Variants in UGT2B28 observed in about 807,000 individuals in gnomAD.
The protein encoded by UGT2B28 is UDP glucuronosyltransferase family 2 member B28, also known as UDP-glucuronosyltransferase 2B28.
UGT2B28 carries 45 observed loss-of-function variants against 43.6 expected under a neutral mutation model. That is an observed-to-expected ratio of 1.03 (90% CI 0.81 to 1.32). UGT2B28 has a LOEUF of 1.32. Among genes scored for constraint, UGT2B28 ranks in the 40% most tolerant of loss-of-function variants. The pLI is 0.00. For missense variants in UGT2B28, 649 were observed against 625.5 expected (o/e 1.04, Z -0.40); for synonymous variants, 204 against 208.1 (o/e 0.98, Z 0.17).
chr4:69,281,121 C>G lies in UGT2B28; in HGVS notation c.621C>G (p.Phe207Leu). 2 of 1,558,696 alleles carry G rather than the reference C, an allele frequency of 1.3e-6. No homozygotes were observed. Among genetic ancestry groups the G allele is most frequent in the South Asian group, 2.4e-5 (2 of 84,088 alleles). ...VMSKLSDQMT[F>L]MERVKNMIYV... is the part of the protein sequence containing the mutation. ...CAAAATTAAGTGATCAAATGACTTTCATGGAGAGGGTAAAAAACATGATCT... is the reference window on the plus strand; with the variant it reads ...CAAAATTAAGTGATCAAATGACTTTGATGGAGAGGGTAAAAAACATGATCT... The change falls in exon 1 of 6, where the codon TTC becomes TTG. Residue 207 changes from phenylalanine (F) to leucine (L), a missense_variant. By Grantham distance (22) the Phe-to-Leu change is conservative. Coordinates refer to ENST00000335568, the MANE Select transcript of UGT2B28 (RefSeq NM_053039.2).
chr4:69,289,575 T>G, intron 3 of UGT2B28, 90 bp from the exon 4 acceptor site: 1 of 1,191,358 alleles, frequency 8.4e-7, no homozygotes, highest in Non-Finnish European at 1.1e-6. Flanking sequence ...CTAACATCCC[T>G]TGATCTCATT....
Position 69,294,448 on chromosome 4 carries a change from C to T in UGT2B28, c.1311-82C>T, listed in dbSNP as rs1373806979. 11 of 1,288,554 alleles carry T rather than the reference C, an allele frequency of 8.5e-6. 1 individual carries two copies. Among genetic ancestry groups the T allele is most frequent in the East Asian group, 5.1e-5 (2 of 38,892 alleles). 79.8% of individuals were successfully genotyped at this position (1,288,554 alleles called of 1,614,324 possible). On this transcript the variant is annotated intron_variant, in intron 5 of 5. Transcript: ENST00000335568. ...CAAATTTACTTTGAATTATTTGACA[C>T]TTTAAAAGCCTTTCATAGACTTGAT...
At chr4:69,289,816 A>G in intron 4 of UGT2B28, 64 bp downstream of exon 4, 2 of 1,376,894 alleles carry the variant, frequency 1.5e-6, no homozygotes, top group Non-Finnish European at 2.0e-6. Flanking sequence ...TTAATAGTTT[A>G]TCTTGAAACA....
In UGT2B28 at chr4:69,294,703, G is replaced by T. The variant is rs763922496; in HGVS notation, c.1484G>T (p.Gly495Val). 7 of 1,559,692 alleles carry T rather than the reference G, an allele frequency of 4.5e-6. 2 individuals carry two copies. Among genetic ancestry groups the T allele is most frequent in the South Asian group, 2.4e-5 (2 of 84,344 alleles). ...CAGTACCACTCTTTGGATGTGATTGGGTTTCTGCTGGCCTGTGTGGCAACT... is the reference window on the plus strand; with the variant it reads ...CAGTACCACTCTTTGGATGTGATTGTGTTTCTGCTGGCCTGTGTGGCAACT... ...WFQYHSLDVI[G>V]FLLACVATVI... is the part of the protein sequence containing the mutation. The change falls in exon 6 of 6, where the codon GGG becomes GTG. Residue 495 changes from glycine (G) to valine (V), a missense_variant. By Grantham distance (109) the Gly-to-Val change is moderately radical. Transcript: ENST00000335568.
In UGT2B28 at chr4:69,280,802, A is replaced by G. The variant is rs542343874; in HGVS notation, c.302A>G (p.Gln101Arg). The G allele has an allele frequency of 1.3e-4, 208 of 1,568,692 alleles. 22 individuals carry two copies. The Middle Eastern group carries it at 1.5e-3, about 12-fold the overall frequency. The change falls in exon 1 of 6, where the codon CAA becomes CGA. Residue 101 changes from glutamine (Q) to arginine (R), a missense_variant. By Grantham distance (43) the Gln-to-Arg change is conservative. Coordinates refer to ENST00000335568, the MANE Select transcript of UGT2B28 (RefSeq NM_053039.2). ...CAGGTTAAGAGATGGTCAGACATTCAAAAAGATAGCTTTTGGTTATATTTT... is the reference window on the plus strand; with the variant it reads ...CAGGTTAAGAGATGGTCAGACATTCGAAAAGATAGCTTTTGGTTATATTTT... ...MQQVKRWSDI[Q>R]KDSFWLYFSQ...
chr4:69,294,866 C>T lies in UGT2B28; in HGVS notation c.*57C>T. On this transcript the variant is annotated 3_prime_UTR_variant, in exon 6 of 6. Coordinates refer to ENST00000335568, the MANE Select transcript of UGT2B28 (RefSeq NM_053039.2). Reference sequence around the variant, plus strand: ...ATAGATGGGTTGACATCAGTTTATTCCAGCAAGAAAGAAAAGATTGTTATG... The same window carrying T: ...ATAGATGGGTTGACATCAGTTTATTTCAGCAAGAAAGAAAAGATTGTTATG... 1 of 1,432,798 alleles carries T rather than the reference C, an allele frequency of 7.0e-7. No homozygotes were observed. Among genetic ancestry groups the T allele is most frequent in the Admixed American group, 2.5e-5 (1 of 40,194 alleles). The allele number at this position is 1,432,798 out of a possible 1,614,324, so 88.8% of individuals were successfully genotyped here. A position where few individuals can be genotyped will look rare whatever the true frequency, so the allele number is the denominator to read the frequency against.
At position 69,291,949 on chromosome 4, in the gene UGT2B28, G is replaced by T. The variant is rs184118650; in HGVS notation, c.1310+1138G>T. 2.1e-3 allele frequency among the ~76,000 whole-genome samples: 295 copies of T among 140,000 alleles called. 65 individuals carry two copies. The highest frequency in any genetic ancestry group is 8.0e-3 in the African/African-American group (286 of 35,888). 91.8% of individuals were successfully genotyped at this position (140,000 alleles called of 152,430 possible). Reference sequence around the variant, plus strand: ...TGATCTCTCATCCTGGTCTTGGATTGCATTTTCATTACTGCTGAAGATGTT... The same window carrying T: ...TGATCTCTCATCCTGGTCTTGGATTTCATTTTCATTACTGCTGAAGATGTT... On this transcript the variant is annotated intron_variant, in intron 5 of 5. Coordinates refer to ENST00000335568, the MANE Select transcript of UGT2B28 (RefSeq NM_053039.2).
At chr4:69,292,286 C>G (rs1723977759) in intron 5 of UGT2B28, among the ~76,000 whole-genome samples, 1 of 139,694 alleles carries the variant, frequency 7.2e-6, no homozygotes, top group Non-Finnish European at 1.5e-5. Flanking sequence ...GTCCAGCTAC[C>G]ATCAATTCCA....
chr4:69,286,078 G>C (rs376233291), intron 2 of UGT2B28, among the ~76,000 whole-genome samples: 5 of 141,464 alleles, frequency 3.5e-5, no homozygotes, highest in African/African-American at 1.4e-4. Context: ...TCAAGACTGA[G>C]TCATAAAAAT....
At position 69,280,772 on chromosome 4, in the gene UGT2B28, T is replaced by C. The variant is rs2109680054; in HGVS notation, c.272T>C (p.Met91Thr). The change falls in exon 1 of 6, where the codon ATG (methionine) becomes ACG (threonine). Residue 91 changes from methionine to threonine, a missense_variant. Transcript: ENST00000335568. ...LTKTEFENII[M>T]QQVKRWSDIQ... ...AAAACTGAATTTGAGAATATCATCATGCAACAGGTTAAGAGATGGTCAGAC... is the reference window on the plus strand; with the variant it reads ...AAAACTGAATTTGAGAATATCATCACGCAACAGGTTAAGAGATGGTCAGAC... 2.6e-6 allele frequency: 4 copies of C among 1,567,726 alleles called. 1 individual carries two copies. The South Asian group carries it at 4.7e-5, about 18-fold the overall frequency.
At chr4:69,282,240 C>T (rs1198839984) in intron 1 of UGT2B28, among the ~76,000 whole-genome samples, 2 of 139,984 alleles carry the variant, frequency 1.4e-5, no homozygotes, top group South Asian at 2.4e-4. Flanking sequence ...TTTTCTATGA[C>T]TTATTTTAAT....
Position 69,288,041 on chromosome 4 carries a change from G to A in UGT2B28, c.1002+1158G>A, listed in dbSNP as rs556859324. Among the ~76,000 whole-genome samples, 23 of 139,518 alleles carry A rather than the reference G, an allele frequency of 1.6e-4. 1 individual carries two copies. In the East Asian group the frequency reaches 4.5e-3, roughly 27 times the overall value. 91.5% of individuals were successfully genotyped at this position (139,518 alleles called of 152,430 possible). A position where few individuals can be genotyped will look rare whatever the true frequency, so the allele number is the denominator to read the frequency against. ...CACTGTTGTCAAAGCTTTGTAGCAC[G>A]TTGTCTAAGTGATAATAATCAGTTG... On this transcript the variant is annotated intron_variant, in intron 3 of 5. Coordinates refer to ENST00000335568, the MANE Select transcript of UGT2B28 (RefSeq NM_053039.2).
Position 69,288,389 on chromosome 4 carries a change from C to T in UGT2B28, c.1003-1276C>T, listed in dbSNP as rs1379169094. Among the ~76,000 whole-genome samples the T allele has an allele frequency of 2.4e-4, 33 of 139,056 alleles. 6 individuals carry two copies. The highest frequency in any genetic ancestry group is 3.7e-4 in the Non-Finnish European group (24 of 65,402). 91.2% of individuals were successfully genotyped at this position (139,056 alleles called of 152,430 possible). On this transcript the variant is annotated intron_variant, in intron 3 of 5. Coordinates refer to ENST00000335568, the MANE Select transcript of UGT2B28 (RefSeq NM_053039.2). ...ATAATAACCTACCGACAAGTAGATA[C>T]ATTTATACTACTTCTCATATTATTC...
rs777159342 is a variant in UGT2B28, at chr4:69,280,891, G to A, written c.391G>A (p.Val131Ile). 7 of 1,557,678 alleles carry A rather than the reference G, an allele frequency of 4.5e-6. 2 individuals are homozygous for A. Among genetic ancestry groups the A allele is most frequent in the African/African-American group, 3.0e-5 (2 of 65,910 alleles). Residue 131 changes from valine (V) to isoleucine (I), a missense_variant, in exon 1 of 6, where the codon GTT (valine) becomes ATT (isoleucine). Val to Ile is a conservative substitution (Grantham distance 29, BLOSUM62 3). Coordinates refer to ENST00000335568, the MANE Select transcript of UGT2B28 (RefSeq NM_053039.2). ...DIFRNFCKDVVSNKKVMKKLQ... is the reference protein window; with the variant it reads ...DIFRNFCKDVISNKKVMKKLQ... ...ATTTAGAAACTTCTGTAAAGATGTA[G>A]TTTCAAATAAGAAAGTTATGAAAAA... is the stretch of plus-strand genomic sequence containing the variant.
chr4:69,290,835 T>G lies in UGT2B28; in HGVS notation c.1310+24T>G. 1.1e-5 allele frequency: 17 copies of G among 1,547,248 alleles called. 3 individuals carry two copies. Among genetic ancestry groups the G allele is most frequent in the Non-Finnish European group, 1.5e-5 (17 of 1,147,798 alleles). On this transcript the variant is annotated intron_variant, in intron 5 of 5. Coordinates refer to ENST00000335568, the MANE Select transcript of UGT2B28 (RefSeq NM_053039.2). ...TCGTGAGTAGAACAGTATTTTTCAC[T>G]AGGTGGTATTTGTAGATAGCTTCTC...
At chr4:69,289,296 G>C (rs1723874747) in intron 3 of UGT2B28, among the ~76,000 whole-genome samples, 1 of 140,062 alleles carries the variant, frequency 7.1e-6, no homozygotes, top group Non-Finnish European at 1.5e-5. Flanking sequence ...ACTAGTGTGA[G>C]ATGTTATCTC....
At chr4:69,293,837 T>C (rs1171811278) in intron 5 of UGT2B28, among the ~76,000 whole-genome samples, 1 of 140,180 alleles carries the variant, frequency 7.1e-6, no homozygotes. Flanking sequence ...CAGGCAAAAA[T>C]CTTAATCAGA....
At position 69,293,274 on chromosome 4, in the gene UGT2B28, A is replaced by G. The variant is rs541046879; in HGVS notation, c.1311-1256A>G. On this transcript the variant is annotated intron_variant, in intron 5 of 5. Coordinates refer to ENST00000335568, the MANE Select transcript of UGT2B28 (RefSeq NM_053039.2). ...AAAGTAGTCACTAAAAGGTTCAGAA[A>G]AAGGGAGTTATTCTAGGCAGATTGT... 4.3e-5 allele frequency among the ~76,000 whole-genome samples: 6 copies of G among 140,486 alleles called. 2 individuals carry two copies. Among genetic ancestry groups the G allele is most frequent in the African/African-American group, 1.7e-4 (6 of 36,032 alleles). 92.2% of individuals were successfully genotyped at this position (140,486 alleles called of 152,430 possible).
chr4:69,294,877 G>A lies in UGT2B28; in HGVS notation c.*68G>A. On this transcript the variant is annotated 3_prime_UTR_variant, in exon 6 of 6. Coordinates refer to ENST00000335568, the MANE Select transcript of UGT2B28 (RefSeq NM_053039.2). ...GACATCAGTTTATTCCAGCAAGAAA[G>A]AAAAGATTGTTATGCAAGATTTCTT... The A allele has an allele frequency of 3.6e-6, 5 of 1,388,078 alleles. No individual in the cohort carries two copies. The highest frequency in any genetic ancestry group is 2.6e-5 in the East Asian group (1 of 39,094). The allele number at this position is 1,388,078 out of a possible 1,614,324, so 86.0% of individuals were successfully genotyped here. A position where few individuals can be genotyped will look rare whatever the true frequency, so the allele number is the denominator to read the frequency against.
Sources: gnomAD v4.1 joint callset for allele counts (sites outside exome capture counted in the v4.1 genomes callset) on GRCh38, gnomAD v4.1.1 for gene constraint, MANE v1.5 for transcripts, NCBI Gene and HGNC (gene_info 2026-07-23, HGNC 2026-07-21) for gene names.